PCDHGB1: variants seen among roughly 807,000 people sequenced by gnomAD.
PCDHGB1 encodes the protein protocadherin gamma-B1.
A neutral mutation model predicts 56.6 loss-of-function variants in PCDHGB1; 34 were observed. The observed-to-expected ratio is 0.60, with a 90% CI of 0.46 to 0.80. The LOEUF (loss-of-function observed/expected upper bound fraction) is 0.80, where lower values mean the gene tolerates loss of function less well. Ranked by LOEUF, PCDHGB1 falls within the 30% of genes least tolerant of loss-of-function variation. PCDHGB1 has a pLI of 0.00. For synonymous variants in PCDHGB1, 561 were observed against 505.9 expected (o/e 1.11, Z -1.46); for missense variants, 1,278 against 1,204.6 (o/e 1.06, Z -0.90).
chr5:141,413,010 C>A, intron 1 of PCDHGB1: 1 of 640,210 alleles, frequency 1.6e-6, no homozygotes. Flanking sequence ...AGGGCTTCAA[C>A]TACACAAGCC....
intron 2 of PCDHGB1, among the ~76,000 whole-genome samples, chr5:141,498,114 G>C (rs1336064850): frequency 6.6e-6 from 1 of 152,196 alleles, no homozygotes; most frequent in East Asian, 1.9e-4. Flanking sequence ...CGTATAATAG[G>C]GATTTGATTT....
In PCDHGB1 at chr5:141,356,579, A is replaced by G. The variant is rs115115119; in HGVS notation, c.2409+3910A>G. 2,835 of 1,614,150 alleles carry G rather than the reference A, an allele frequency of 1.8e-3. 35 individuals carry two copies. The African/African-American group carries it at 0.03, about 17-fold the overall frequency. Reference sequence around the variant, plus strand: ...TTCCCTCATGCTTCCTACTCTGCTTACATTCCTGAAAACAACCCCAGAGGA... The same window carrying G: ...TTCCCTCATGCTTCCTACTCTGCTTGCATTCCTGAAAACAACCCCAGAGGA... On this transcript the variant is annotated intron_variant, in intron 1 of 3. Coordinates refer to ENST00000523390, the MANE Select transcript of PCDHGB1 (RefSeq NM_018922.3).
intron 3 of PCDHGB1, among the ~76,000 whole-genome samples, chr5:141,510,657 G>A (rs1388054630): frequency 6.6e-6 from 1 of 152,156 alleles, no homozygotes; most frequent in Non-Finnish European, 1.5e-5. Context: ...CCATTTTGCA[G>A]ATGAGAAAAC....
chr5:141,432,172 C>T lies in PCDHGB1; in HGVS notation c.2410-62635C>T, dbSNP rs562175068. ...AGAACAATCCCAGAGGAGTTTCCCT[C>T]GTCTCTGTGACCGCCCACGACCCCG... On this transcript the variant is annotated intron_variant, in intron 1 of 3. Coordinates refer to ENST00000523390, the MANE Select transcript of PCDHGB1 (RefSeq NM_018922.3). This position sits in a 1 kb window ranked among gnomAD's most constrained non-coding sequence, Gnocchi z 6.0. 22 of 1,614,152 alleles carry T rather than the reference C, an allele frequency of 1.4e-5. No individual in the cohort carries two copies. In the Admixed American group the frequency reaches 3.5e-4, roughly 26 times the overall value.
chr5:141,487,351 T>A lies in PCDHGB1; in HGVS notation c.2410-7456T>A. 6.2e-7 allele frequency: 1 copy of A among 1,614,210 alleles called. No individual in the cohort carries two copies. The highest frequency in any genetic ancestry group is 8.5e-7 in the Non-Finnish European group (1 of 1,180,038). On this transcript the variant is annotated intron_variant, in intron 1 of 3. Transcript: ENST00000523390. The surrounding 1 kb of genome is among the most constrained non-coding windows in gnomAD (Gnocchi z 5.0). ...GGGCAGCCTGTGGAGTCACATGCTT[T>A]CCTGCTGGCACCTGTGCCTGTCTCA...
chr5:141,500,520 T>TA (rs2099801149), intron 2 of PCDHGB1, among the ~76,000 whole-genome samples: 2 of 152,312 alleles, frequency 1.3e-5, no homozygotes, highest in Admixed American at 1.3e-4. Flanking sequence ...AGCTTCATTT[T>TA]AAAAAAATCT....
At chr5:141,413,650 C>T (rs1384444202) in intron 1 of PCDHGB1, 2 of 1,613,714 alleles carry the variant, frequency 1.2e-6, no homozygotes, top group Non-Finnish European at 1.7e-6. Flanking sequence ...TTTTCCTCTC[C>T]CGGAAGCTAT....
intron 1 of PCDHGB1, among the ~76,000 whole-genome samples, chr5:141,437,623 T>G (rs887878119): frequency 3.3e-5 from 5 of 152,172 alleles, no homozygotes; most frequent in Non-Finnish European, 7.4e-5. Context: ...TATCCCCATA[T>G]AAGATGTCAG....
rs754880046 is a variant in PCDHGB1 at position 141,351,766 on chromosome 5, C to T, written c.1506C>T (p.Ser502=). The T allele has an allele frequency of 2.5e-6, 4 of 1,613,526 alleles. No individual in the cohort carries two copies. The highest frequency in any genetic ancestry group is 1.1e-5 in the South Asian group (1 of 91,082). Residue 502 remains serine (S), a synonymous_variant, in exon 1 of 4, where the codon TCC becomes TCT. Coordinates refer to ENST00000523390, the MANE Select transcript of PCDHGB1 (RefSeq NM_018922.3). ...LEPRELLSYV[S]VSPQSGVVFA... is the part of the protein sequence containing the mutation. ...CGCGGGAGCTGTTGTCCTACGTGTC[C>T]GTGAGCCCGCAGAGCGGGGTGGTGT...
Position 141,350,217 on chromosome 5 carries a change from G to T in PCDHGB1, c.-44G>T. The T allele has an allele frequency of 6.7e-7, 1 of 1,490,564 alleles. No homozygotes were observed. The highest frequency in any genetic ancestry group is 1.5e-5 in the South Asian group (1 of 68,476). 92.3% of individuals were successfully genotyped at this position (1,490,564 alleles called of 1,614,324 possible). On this transcript the variant is annotated 5_prime_UTR_variant, in exon 1 of 4. Transcript: ENST00000523390. ...GTCCAGGGTGCTGCCATTTCTTTTT[G>T]AAAAACATCCCAGAGGAAAGAAGCT...
Position 141,490,876 on chromosome 5 carries a change from G to T in PCDHGB1, c.2410-3931G>T. On this transcript the variant is annotated intron_variant, in intron 1 of 3. Coordinates refer to ENST00000523390, the MANE Select transcript of PCDHGB1 (RefSeq NM_018922.3). The surrounding 1 kb of genome is among the most constrained non-coding windows in gnomAD (Gnocchi z 5.4). Reference sequence around the variant, plus strand: ...AGACTCCGGCTCTCCCCCATTGCATGCCAACACATCTCTGCATGTGTTTGT... The same window carrying T: ...AGACTCCGGCTCTCCCCCATTGCATTCCAACACATCTCTGCATGTGTTTGT... 6.2e-7 allele frequency: 1 copy of T among 1,613,840 alleles called. No homozygotes were observed. The highest frequency in any genetic ancestry group is 8.5e-7 in the Non-Finnish European group (1 of 1,179,894).
intron 1 of PCDHGB1, chr5:141,424,083 C>T (rs2096798692): frequency 4.2e-6 from 4 of 957,190 alleles, no homozygotes; most frequent in Non-Finnish European, 5.1e-6. Flanking sequence ...TATATTCCAC[C>T]ATTATTTGCT....
chr5:141,389,131 A>G, intron 1 of PCDHGB1: 2 of 1,614,024 alleles, frequency 1.2e-6, no homozygotes, highest in African/African-American at 2.7e-5. Flanking sequence ...AATCCAGAGT[A>G]CAATATAACC....
chr5:141,484,002 A>T, intron 1 of PCDHGB1, among the ~76,000 whole-genome samples: 1 of 25,484 alleles, frequency 3.9e-5, no homozygotes, highest in African/African-American at 1.7e-4. Context: ...GGAGGTCTGG[A>T]TGAGGGTGGG....
chr5:141,399,373 GT>G, intron 1 of PCDHGB1: 1 of 1,613,982 alleles, frequency 6.2e-7, no homozygotes. Context: ...GGAGTACAAT[GT>G]CACCATCACA....
intron 1 of PCDHGB1, among the ~76,000 whole-genome samples, chr5:141,480,839 G>A (rs1397361640): frequency 6.6e-6 from 1 of 152,196 alleles, no homozygotes; most frequent in Non-Finnish European, 1.5e-5. Context: ...AAGATCAGGA[G>A]TTTGAGACCA....
At position 141,489,924 on chromosome 5, in the gene PCDHGB1, C is replaced by G. The variant is rs755286650; in HGVS notation, c.2410-4883C>G. ...CAGCCCGCTCAGGGACCACCCTTAT[C>G]TCTGTCATCGTGCTGGACATCAATG... is the stretch of plus-strand genomic sequence containing the variant. On this transcript the variant is annotated intron_variant, in intron 1 of 3. Transcript: ENST00000523390. This position sits in a 1 kb window ranked among gnomAD's most constrained non-coding sequence, Gnocchi z 4.5. 22 of 1,614,226 alleles carry G rather than the reference C, an allele frequency of 1.4e-5. No homozygotes were observed. The highest frequency in any genetic ancestry group is 1.9e-5 in the Non-Finnish European group (22 of 1,180,030).
intron 1 of PCDHGB1, chr5:141,394,346 C>T: frequency 1.2e-6 from 2 of 1,614,156 alleles, no homozygotes; most frequent in Non-Finnish European, 1.7e-6. Context: ...ACTCTGACAC[C>T]GGTGTCCTGT....
intron 1 of PCDHGB1, among the ~76,000 whole-genome samples, chr5:141,425,812 G>A (rs1472168775): frequency 6.6e-6 from 1 of 152,054 alleles, no homozygotes; most frequent in African/African-American, 2.4e-5. Context: ...CTTCTGCTTA[G>A]AAAAAAACAA....
Sources: gnomAD v4.1 joint callset for allele counts (sites outside exome capture counted in the v4.1 genomes callset) on GRCh38, gnomAD v4.1.1 for gene constraint, Gnocchi (gnomAD v3.1) non-coding constraint, MANE v1.5 for transcripts, NCBI Gene and HGNC (gene_info 2026-07-23, HGNC 2026-07-21) for gene names.